SGCZ: variants seen among roughly 807,000 people sequenced by gnomAD.
SGCZ encodes zeta-sarcoglycan.
In SGCZ, 40 loss-of-function variants were observed where a neutral mutation model predicts 41.3. The ratio of observed to expected loss-of-function variants is 0.97; its 90% CI spans 0.75 to 1.26. The LOEUF (loss-of-function observed/expected upper bound fraction) is 1.26. Ranked by LOEUF, SGCZ falls within the 50% of genes most tolerant of loss-of-function variation. SGCZ has a pLI of 0.00. For missense variants in SGCZ, 552 were observed against 369.8 expected (o/e 1.49, Z -4.04); for synonymous variants, 206 against 137.5 (o/e 1.50, Z -3.49).
chr8:15,178,686 A>G (rs945348103), intron 1 of SGCZ, among the ~76,000 whole-genome samples: 1 of 152,210 alleles, frequency 6.6e-6, no homozygotes, highest in Non-Finnish European at 1.5e-5. Context: ...TATTGGAGCT[A>G]TAATCAAAGA....
Position 14,554,995 on chromosome 8 carries a change from G to A in SGCZ, c.40-69C>T. On this transcript the variant is annotated intron_variant, in intron 1 of 7. Transcript: ENST00000382080. ...GAAGCATTAAAAAAAATAAACCCAT[G>A]ATTTTTTTGAAACAAAAGAACAATG... 6 of 1,381,398 alleles carry A rather than the reference G, an allele frequency of 4.3e-6. No individual in the cohort carries two copies. In the South Asian group the frequency reaches 4.5e-5, roughly 10 times the overall value. 85.6% of individuals were successfully genotyped at this position (1,381,398 alleles called of 1,614,324 possible).
chr8:15,175,103 TTAAAG>T (rs1332096816), intron 1 of SGCZ, among the ~76,000 whole-genome samples: 6 of 151,522 alleles, frequency 4.0e-5, no homozygotes, highest in Non-Finnish European at 7.4e-5. Context: ...ATCCCAGAAC[TTAAAG>T]TAAACTAAAA....
At chr8:14,604,961 A>G (rs886819088) in intron 1 of SGCZ, among the ~76,000 whole-genome samples, 1 of 152,198 alleles carries the variant, frequency 6.6e-6, no homozygotes, top group East Asian at 1.9e-4. Context: ...CAACATGGAA[A>G]TATTAATTGA....
At chr8:14,545,116 G>A (rs755514191) in intron 2 of SGCZ, among the ~76,000 whole-genome samples, 13 of 152,038 alleles carry the variant, frequency 8.6e-5, no homozygotes, top group Admixed American at 1.3e-4. Context: ...TCAGCCGGCT[G>A]ACACTTATGG....
chr8:14,325,747 CATATATATATATATATATATAT>C (rs370021799), intron 2 of SGCZ, among the ~76,000 whole-genome samples: 9,439 of 69,440 alleles, frequency 0.14, 658 homozygotes, highest in East Asian at 0.3. Context: ...CACACACACA[CATATATATATATATATATATAT>C]ATATATATAT....
rs562984117 is a variant in SGCZ at position 14,515,432 on chromosome 8, G to A, written c.234+39300C>T. Among the ~76,000 whole-genome samples the A allele has an allele frequency of 1.5e-4, 23 of 152,078 alleles. No homozygotes were observed. In the South Asian group the frequency reaches 1.7e-3, roughly 11 times the overall value. On this transcript the variant is annotated intron_variant, in intron 2 of 7. Coordinates refer to ENST00000382080, the MANE Select transcript of SGCZ (RefSeq NM_139167.4). Reference sequence around the variant, plus strand: ...ATATATCCAGAATAAGACAACATACGCATCAATATGTATCTTGGTTTCTAA... The same window carrying A: ...ATATATCCAGAATAAGACAACATACACATCAATATGTATCTTGGTTTCTAA...
chr8:14,149,271 T>C (rs1326390306), intron 5 of SGCZ, among the ~76,000 whole-genome samples: 2 of 151,952 alleles, frequency 1.3e-5, no homozygotes, highest in African/African-American at 4.8e-5. Flanking sequence ...TATGATCTTA[T>C]ACTAAGAAAA....
intron 5 of SGCZ, among the ~76,000 whole-genome samples, chr8:14,147,728 A>C (rs753371464): frequency 6.6e-6 from 1 of 152,188 alleles, no homozygotes; most frequent in Non-Finnish European, 1.5e-5. Flanking sequence ...TATTTATAGA[A>C]CATTTCATAA....
chr8:14,532,390 G>T (rs1165567035), intron 2 of SGCZ, among the ~76,000 whole-genome samples: 1 of 152,012 alleles, frequency 6.6e-6, no homozygotes, highest in Non-Finnish European at 1.5e-5. Flanking sequence ...GGTCTTTGGA[G>T]CCACCAATAA....
At chr8:14,822,608 A>C (rs560886491) in intron 1 of SGCZ, among the ~76,000 whole-genome samples, 2 of 152,312 alleles carry the variant, frequency 1.3e-5, no homozygotes, top group Admixed American at 1.3e-4. Context: ...CCAAAACAGC[A>C]TGGTGGTGGT....
At chr8:14,270,122 A>C (rs746482756) in intron 3 of SGCZ, among the ~76,000 whole-genome samples, 5 of 151,996 alleles carry the variant, frequency 3.3e-5, no homozygotes, top group Non-Finnish European at 7.4e-5. Context: ...CCCTGAGGTC[A>C]GGAGTTCAAG....
At chr8:14,417,734 A>AT (rs1799533271) in intron 2 of SGCZ, among the ~76,000 whole-genome samples, 1 of 151,930 alleles carries the variant, frequency 6.6e-6, no homozygotes, top group Non-Finnish European at 1.5e-5. Flanking sequence ...CTTGTTTTAC[A>AT]CAAAAAAGGT....
Position 15,010,716 on chromosome 8 carries a change from T to C in SGCZ, c.39+226869A>G, listed in dbSNP as rs114729261. Among the ~76,000 whole-genome samples the C allele has an allele frequency of 1.0e-2, 1,516 of 152,246 alleles. 37 individuals carry two copies. Among genetic ancestry groups the C allele is most frequent in the African/African-American group, 0.034 (1,420 of 41,544 alleles). On this transcript the variant is annotated intron_variant, in intron 1 of 7. Transcript: ENST00000382080. ...GAACTAATGTGATATAGAGGCTTGGTATCATTCTGGCATTTTCTCACATTC... is the reference window on the plus strand; with the variant it reads ...GAACTAATGTGATATAGAGGCTTGGCATCATTCTGGCATTTTCTCACATTC...
At chr8:15,063,087 G>A (rs1302861084) in intron 1 of SGCZ, among the ~76,000 whole-genome samples, 1 of 151,958 alleles carries the variant, frequency 6.6e-6, no homozygotes, top group Non-Finnish European at 1.5e-5. Context: ...CCTGCCTTTA[G>A]AGAATAAATC....
At chr8:14,861,664 G>A (rs758678222) in intron 1 of SGCZ, among the ~76,000 whole-genome samples, 15 of 151,970 alleles carry the variant, frequency 9.9e-5, no homozygotes, top group Non-Finnish European at 2.1e-4. Context: ...TTCCATTTTA[G>A]AAACTTTAAT....
At chr8:14,738,494 AACTAATAACCCTTTCTCAGTTAGTCCTC>A (rs1436085434) in intron 1 of SGCZ, among the ~76,000 whole-genome samples, 1 of 152,112 alleles carries the variant, frequency 6.6e-6, no homozygotes, top group African/African-American at 2.4e-5. Context: ...TGGACTAATT[AACTAATAACCCTTTCTCAGTTAGTCCTC>A]AATAGGAGCA....
rs143448576 is a variant in SGCZ at position 14,391,650 on chromosome 8, A to G, written c.235-67446T>C. 8.8e-3 allele frequency among the ~76,000 whole-genome samples: 1,334 copies of G among 152,220 alleles called. 13 individuals are homozygous for G. The highest frequency in any genetic ancestry group is 0.019 in the South Asian group (93 of 4,822). On this transcript the variant is annotated intron_variant, in intron 2 of 7. Coordinates refer to ENST00000382080, the MANE Select transcript of SGCZ (RefSeq NM_139167.4). ...GAATTAATGCATTAAAAGGCAGAGA[A>G]AACATTATTATGTGATCGCTTGGAT...
chr8:15,049,207 G>A (rs971037015), intron 1 of SGCZ, among the ~76,000 whole-genome samples: 9 of 152,178 alleles, frequency 5.9e-5, no homozygotes, highest in African/African-American at 2.2e-4. Flanking sequence ...TAAGGGATAA[G>A]CTTTGGCCTT....
intron 1 of SGCZ, among the ~76,000 whole-genome samples, chr8:14,569,786 G>T (rs114564732): frequency 2.0e-3 from 299 of 152,246 alleles, no homozygotes; most frequent in African/African-American, 5.2e-3. Flanking sequence ...CGTGAAGGAG[G>T]GAGCTTTGCA....
Sources: allele counts gnomAD v4.1 joint callset (sites outside exome capture counted in the v4.1 genomes callset), GRCh38; gene constraint gnomAD v4.1.1; transcripts MANE v1.5; gene names NCBI Gene and HGNC (gene_info 2026-07-23, HGNC 2026-07-21).